CENPC: variants seen among roughly 807,000 people sequenced by gnomAD.
CENPC encodes the protein centromere protein C, also known as CENP-C 1.
In CENPC, 63 loss-of-function variants were observed where a neutral mutation model predicts 112.1. The observed-to-expected ratio is 0.56, with a 90% confidence interval of 0.46 to 0.69. The LOEUF is 0.69. Among genes scored for constraint, CENPC ranks in the 30% least tolerant of loss-of-function variants. The pLI is 0.00. For missense variants in CENPC, 1,000 were observed against 1,103.8 expected, an observed-to-expected ratio of 0.91 and a Z score of 1.33; for synonymous variants, 333 against 367.6, an observed-to-expected ratio of 0.91 and a Z score of 1.08.
intron 17 of CENPC, among the ~76,000 whole-genome samples, chr4:67,484,682 G>A (rs559119600): frequency 6.6e-6 from 1 of 152,252 alleles, no homozygotes; most frequent in East Asian, 1.9e-4. Flanking sequence ...AAAAAGGATG[G>A]GGACCATTGT....
Position 67,474,879 on chromosome 4 carries a change from T to C in CENPC, c.2761+9A>G, listed in dbSNP as rs564533734. On this transcript the variant is annotated intron_variant, in intron 18 of 18. Coordinates refer to ENST00000273853, the MANE Select transcript of CENPC (RefSeq NM_001812.4). ...ATACATGTTGTCTAAGTGAAATAAA[T>C]TGTCTTACCTGAAGGAACATAGAAC... is the stretch of plus-strand genomic sequence containing the variant. 3.9e-5 allele frequency: 58 copies of C among 1,496,112 alleles called. No homozygotes were observed. Among genetic ancestry groups the C allele is most frequent in the South Asian group, 1.5e-4 (12 of 81,694 alleles). 92.7% of individuals were successfully genotyped at this position (1,496,112 alleles called of 1,614,324 possible). A position where few individuals can be genotyped will look rare whatever the true frequency, so the allele number is the denominator to read the frequency against.
At chr4:67,528,532 T>A (rs1726452237) in intron 5 of CENPC, among the ~76,000 whole-genome samples, 1 of 152,350 alleles carries the variant, frequency 6.6e-6, no homozygotes, top group East Asian at 1.9e-4. Flanking sequence ...TAAATTTACC[T>A]ATTATAAATA....
chr4:67,540,653 C>T (rs762402367), intron 3 of CENPC, among the ~76,000 whole-genome samples: 14 of 152,058 alleles, frequency 9.2e-5, no homozygotes, highest in Non-Finnish European at 1.8e-4. Context: ...TTGGGTGACA[C>T]CGCAGGACTA....
At chr4:67,518,096 T>C (rs753352626) in intron 7 of CENPC, 60 bp downstream of exon 7, 7 of 916,186 alleles carry the variant, frequency 7.6e-6, no homozygotes, top group East Asian at 2.7e-5. Flanking sequence ...GGAATCCTTA[T>C]ATATGGTTCA....
rs552802704 is a variant in CENPC, at chr4:67,485,921, A to C, written c.2670+4046T>G. Among the ~76,000 whole-genome samples, 3 of 152,272 alleles carry C rather than the reference A, an allele frequency of 2.0e-5. No homozygotes were observed. The South Asian group carries it at 6.2e-4, about 32-fold the overall frequency. On this transcript the variant is annotated intron_variant, in intron 17 of 18. Coordinates refer to ENST00000273853, the MANE Select transcript of CENPC (RefSeq NM_001812.4). Reference sequence around the variant, plus strand: ...AAAGGGGGGGAGTTTGAACTCAGGCATTTAGATTACAGAATTCATTCCCTA... The same window carrying C: ...AAAGGGGGGGAGTTTGAACTCAGGCCTTTAGATTACAGAATTCATTCCCTA...
At chr4:67,512,852 C>G (rs1385536426) in intron 8 of CENPC, among the ~76,000 whole-genome samples, 1 of 151,952 alleles carries the variant, frequency 6.6e-6, no homozygotes, top group African/African-American at 2.4e-5. Flanking sequence ...AAAAAAAATA[C>G]AGTTCCTTCC....
At chr4:67,481,055 T>C (rs529036710) in intron 17 of CENPC, among the ~76,000 whole-genome samples, 1 of 152,244 alleles carries the variant, frequency 6.6e-6, no homozygotes, top group East Asian at 1.9e-4. Flanking sequence ...CCTAGACTCA[T>C]CCAAAAAGTT....
At chr4:67,512,370 T>C (rs962306019) in intron 9 of CENPC, 32 bp downstream of exon 9, 9 of 1,485,704 alleles carry the variant, frequency 6.1e-6, no homozygotes, top group Admixed American at 4.4e-5. Context: ...ATTTTGTCTA[T>C]GAACAAACAC....
chr4:67,486,971 T>G (rs1725111103), intron 17 of CENPC, among the ~76,000 whole-genome samples: 1 of 148,900 alleles, frequency 6.7e-6, no homozygotes, highest in African/African-American at 2.5e-5. Flanking sequence ...CTTTTAGGTT[T>G]TTTTTTTTTT....
At chr4:67,501,387 C>T (rs1371636368) in intron 12 of CENPC, among the ~76,000 whole-genome samples, 4 of 152,312 alleles carry the variant, frequency 2.6e-5, no homozygotes, top group Non-Finnish European at 5.9e-5. Flanking sequence ...GCACAAATTA[C>T]ATCCCCTAAC....
At position 67,520,179 on chromosome 4, in the gene CENPC, C is replaced by T. The variant is rs114740594; in HGVS notation, c.332-677G>A. Among the ~76,000 whole-genome samples, 529 of 152,148 alleles carry T rather than the reference C, an allele frequency of 3.5e-3. 3 individuals carry two copies. The highest frequency in any genetic ancestry group is 0.012 in the African/African-American group (507 of 41,480). ...GAAGACCTAATGAGGAAACTCAAGCCCCATTCAGCACTCTCGGCCATGGAG... is the reference window on the plus strand; with the variant it reads ...GAAGACCTAATGAGGAAACTCAAGCTCCATTCAGCACTCTCGGCCATGGAG... On this transcript the variant is annotated intron_variant, in intron 5 of 18. Transcript: ENST00000273853.
chr4:67,485,395 G>A (rs1264533324), intron 17 of CENPC, among the ~76,000 whole-genome samples: 2 of 152,104 alleles, frequency 1.3e-5, no homozygotes, highest in East Asian at 3.9e-4. Flanking sequence ...AACAGCATAA[G>A]GCCTTCAAAC....
chr4:67,492,660 AAATTTAT>A (rs1725316465), intron 15 of CENPC: 3 of 786,934 alleles, frequency 3.8e-6, no homozygotes, highest in Middle Eastern at 9.1e-4. Flanking sequence ...ACTCATGAAG[AAATTTAT>A]AATATGCTAT....
At chr4:67,507,076 G>C (rs1437770562) in intron 10 of CENPC, 142 bp from the exon 11 acceptor site, 2 of 551,188 alleles carry the variant, frequency 3.6e-6, no homozygotes, top group Non-Finnish European at 5.9e-6. Flanking sequence ...TCTGAGACTT[G>C]CAACTAGCTA....
chr4:67,490,989 T>C (rs1725243865), intron 16 of CENPC, among the ~76,000 whole-genome samples: 1 of 150,212 alleles, frequency 6.7e-6, no homozygotes, highest in Non-Finnish European at 1.5e-5. Flanking sequence ...ACAGCAATGC[T>C]TTCAGTTAAG....
chr4:67,508,756 C>T, intron 10 of CENPC, 58 bp downstream of exon 10: 4 of 1,515,136 alleles, frequency 2.6e-6, no homozygotes, highest in Non-Finnish European at 3.6e-6. Flanking sequence ...CTAAATAGCA[C>T]AAATTATTAA....
chr4:67,506,593 G>C (rs1725738882), intron 11 of CENPC, among the ~76,000 whole-genome samples, 195 bp downstream of exon 11: 1 of 152,152 alleles, frequency 6.6e-6, no homozygotes, highest in African/African-American at 2.4e-5. Context: ...AAACCAGAAA[G>C]ATGACTGCTA....
chr4:67,539,233 T>C, intron 4 of CENPC, among the ~76,000 whole-genome samples: 1 of 152,212 alleles, frequency 6.6e-6, no homozygotes. Flanking sequence ...AATGGTTTTG[T>C]CTGCATTGCT....
chr4:67,517,964 A>T (rs890308744), intron 7 of CENPC, among the ~76,000 whole-genome samples, 192 bp downstream of exon 7: 3 of 152,212 alleles, frequency 2.0e-5, no homozygotes, highest in Non-Finnish European at 4.4e-5. Context: ...AGTATCTATT[A>T]AAAAATGGCT....
Sources: allele counts gnomAD v4.1 joint callset (sites outside exome capture counted in the v4.1 genomes callset), GRCh38; gene constraint gnomAD v4.1.1; transcripts MANE v1.5; gene names NCBI Gene and HGNC (gene_info 2026-07-23, HGNC 2026-07-21).